KLF12: variants seen among roughly 807,000 people sequenced by gnomAD.
KLF12 encodes Krueppel-like factor 12.
KLF12 carries 9 observed loss-of-function variants against 37.8 expected under a neutral mutation model. The ratio of observed to expected loss-of-function variants is 0.24; its 90% CI spans 0.14 to 0.42. KLF12 has a LOEUF of 0.42. KLF12 is among the 10% of genes least tolerant of loss of function. The pLI, the probability that KLF12 is intolerant of heterozygous loss-of-function variation, is 1.00. For synonymous variants in KLF12, 208 were observed against 202.1 expected (o/e 1.03, Z -0.25); for missense variants, 411 against 516.0 (o/e 0.80, Z 1.97).
At chr13:73,815,845 G>A (rs1019163264) in intron 4 of KLF12, among the ~76,000 whole-genome samples, 2 of 152,196 alleles carry the variant, frequency 1.3e-5, no homozygotes. Flanking sequence ...GGCTCTGAAA[G>A]TTAAAGTCTA....
At chr13:73,910,516 A>G (rs539674521) in intron 3 of KLF12, among the ~76,000 whole-genome samples, 55 of 152,312 alleles carry the variant, frequency 3.6e-4, no homozygotes, top group African/African-American at 1.3e-3. Context: ...TGAACTATAT[A>G]GCAATGAATT....
At chr13:74,058,270 T>G in intron 1 of KLF12, among the ~76,000 whole-genome samples, 1 of 151,504 alleles carries the variant, frequency 6.6e-6, no homozygotes, top group Non-Finnish European at 1.5e-5. Flanking sequence ...CCCGGCCAGC[T>G]ATATAATCTT....
intron 2 of KLF12, among the ~76,000 whole-genome samples, chr13:73,946,257 G>A (rs1203502427): frequency 1.3e-5 from 2 of 152,128 alleles, no homozygotes; most frequent in Non-Finnish European, 2.9e-5. Context: ...GACAAAGAGC[G>A]ATTCTGGAAA....
intron 6 of KLF12, among the ~76,000 whole-genome samples, chr13:73,738,055 GTATATATATATATACACACACATATA>G (rs1877597234): frequency 2.1e-5 from 2 of 97,132 alleles, no homozygotes; most frequent in African/African-American, 4.9e-5. Flanking sequence ...ACATACGTGT[GTATATATATATATACACACACATATA>G]TGTATGTGTA....
chr13:73,881,283 GAAGT>G (rs999636578), intron 3 of KLF12, among the ~76,000 whole-genome samples: 3 of 151,982 alleles, frequency 2.0e-5, no homozygotes, highest in African/African-American at 7.2e-5. Flanking sequence ...AAAAATATTT[GAAGT>G]AACATTTTTT....
At chr13:73,889,760 G>C (rs1887413762) in intron 3 of KLF12, among the ~76,000 whole-genome samples, 1 of 151,958 alleles carries the variant, frequency 6.6e-6, no homozygotes, top group Non-Finnish European at 1.5e-5. Flanking sequence ...ATTTAGAAAA[G>C]TTGAACAAGC....
At chr13:73,827,558 T>C (rs947180845) in intron 4 of KLF12, among the ~76,000 whole-genome samples, 1 of 152,164 alleles carries the variant, frequency 6.6e-6, no homozygotes, top group African/African-American at 2.4e-5. Context: ...TTTTTATTTC[T>C]ATTTTTATTT....
At chr13:73,771,426 C>T (rs1196676262) in intron 5 of KLF12, among the ~76,000 whole-genome samples, 2 of 152,174 alleles carry the variant, frequency 1.3e-5, no homozygotes, top group African/African-American at 4.8e-5. Context: ...ATTGCATCCT[C>T]AGAGCTTATC....
At chr13:74,033,237 T>G (rs1001516587) in intron 1 of KLF12, among the ~76,000 whole-genome samples, 2 of 152,180 alleles carry the variant, frequency 1.3e-5, no homozygotes, top group Non-Finnish European at 2.9e-5. Context: ...ATAAGAAAGT[T>G]GAGATCCCTT....
In KLF12 at chr13:73,688,453, C is replaced by T. The variant is rs1873624669; in HGVS notation, c.*7037G>A. The T allele has an allele frequency of 6.6e-6, 1 of 152,094 alleles. No homozygotes were observed. The highest frequency in any genetic ancestry group is 1.9e-4 in the East Asian group (1 of 5,180). 9.4% of individuals were successfully genotyped at this position (152,094 alleles called of 1,614,324 possible). A position where few individuals can be genotyped will look rare whatever the true frequency, so the allele number is the denominator to read the frequency against. ...TGGGCTCTGATATTAATCACTAGTT[C>T]CATGGGGGTGAAAATTTCAAATGCA... On this transcript the variant is annotated 3_prime_UTR_variant, in exon 8 of 8. Coordinates refer to ENST00000377669, the MANE Select transcript of KLF12 (RefSeq NM_007249.5).
At chr13:73,827,714 C>T (rs1184575026) in intron 4 of KLF12, among the ~76,000 whole-genome samples, 1 of 152,158 alleles carries the variant, frequency 6.6e-6, no homozygotes, top group Admixed American at 6.5e-5. Context: ...AGGCACCCAT[C>T]ACCATGCTCG....
At chr13:74,100,231 G>T (rs144006888) in intron 1 of KLF12, among the ~76,000 whole-genome samples, 4 of 152,312 alleles carry the variant, frequency 2.6e-5, no homozygotes, top group African/African-American at 9.6e-5. Context: ...ACAGTAGCAG[G>T]TATTTACCAA....
the KLF12 span, among the ~76,000 whole-genome samples, chr13:74,276,104 T>G: frequency 2.0e-3 from 302 of 151,738 alleles, 1 homozygote; most frequent in African/African-American, 6.7e-3. Context: ...GATTAAGTAT[T>G]TGTCCTAATG....
chr13:73,971,402 A>G (rs1891334788), intron 2 of KLF12, among the ~76,000 whole-genome samples: 1 of 152,182 alleles, frequency 6.6e-6, no homozygotes, highest in Non-Finnish European at 1.5e-5. Context: ...ACAGTAATAC[A>G]CTGTAAGAGA....
At chr13:74,246,607 C>T in the KLF12 span, among the ~76,000 whole-genome samples, 1 of 152,230 alleles carries the variant, frequency 6.6e-6, no homozygotes, top group Non-Finnish European at 1.5e-5. Context: ...ATGTGAGGAA[C>T]ACATCAACTC....
chr13:74,228,613 G>A, the KLF12 span, among the ~76,000 whole-genome samples: 1 of 151,966 alleles, frequency 6.6e-6, no homozygotes, highest in Admixed American at 6.6e-5. Context: ...TTCCAAATCA[G>A]TGGCTCTTTT....
chr13:74,234,880 T>C, the KLF12 span, among the ~76,000 whole-genome samples: 1 of 152,232 alleles, frequency 6.6e-6, no homozygotes, highest in African/African-American at 2.4e-5. Context: ...TAAAAAGGTA[T>C]ACATTTACTG....
chr13:74,272,078 A>C, the KLF12 span, among the ~76,000 whole-genome samples: 1 of 152,214 alleles, frequency 6.6e-6, no homozygotes, highest in Non-Finnish European at 1.5e-5. Flanking sequence ...TTTGCTGTAC[A>C]TATTGCCATC....
intron 6 of KLF12, among the ~76,000 whole-genome samples, chr13:73,734,851 T>C (rs185073575): frequency 2.4e-4 from 36 of 152,270 alleles, no homozygotes; most frequent in African/African-American, 8.2e-4. Flanking sequence ...CGAGATGACA[T>C]AGCAAGTAAG....
Sources: gnomAD v4.1 joint callset for allele counts (sites outside exome capture counted in the v4.1 genomes callset) on GRCh38, gnomAD v4.1.1 for gene constraint, MANE v1.5 for transcripts, NCBI Gene and HGNC (gene_info 2026-07-23, HGNC 2026-07-21) for gene names.